RYR2: variants seen among roughly 807,000 people sequenced by gnomAD.
The protein encoded by RYR2 is ryanodine receptor 2, also known as cardiac muscle ryanodine receptor-calcium release channel.
RYR2 carries 227 observed loss-of-function variants against 601.1 expected under a neutral mutation model. The ratio of observed to expected loss-of-function variants is 0.38; its 90% CI spans 0.34 to 0.42. The LOEUF (loss-of-function observed/expected upper bound fraction) is 0.42. Among genes scored for constraint, RYR2 ranks in the 10% least tolerant of loss-of-function variants. The probability of loss-of-function intolerance (pLI) is 1.00; values close to 1 mark genes in which losing one functional copy is unlikely to be tolerated. For missense variants in RYR2, 4,646 were observed against 6,156.5 expected (o/e 0.75, Z 8.21); for synonymous variants, 2,223 against 2,175.1 (o/e 1.02, Z -0.61).
At chr1:237,064,291 T>G (rs1406619819) in intron 1 of RYR2, among the ~76,000 whole-genome samples, 2 of 152,222 alleles carry the variant, frequency 1.3e-5, no homozygotes, top group African/African-American at 4.8e-5. Flanking sequence ...TACTGAATTC[T>G]TAAATTTTGA....
intron 51 of RYR2, 82 bp downstream of exon 51, chr1:237,651,583 A>G (rs373773626): frequency 1.1e-6 from 1 of 890,904 alleles, no homozygotes; most frequent in Non-Finnish European, 1.8e-6. Context: ...CATTTCTTAG[A>G]TACATCATGC....
intron 84 of RYR2, among the ~76,000 whole-genome samples, chr1:237,764,552 G>T (rs983583876): frequency 1.3e-5 from 2 of 151,762 alleles, no homozygotes; most frequent in African/African-American, 4.8e-5. Flanking sequence ...GGGTTCAAGC[G>T]ATTCTCCTGC....
chr1:237,781,621 G>T lies in RYR2; in HGVS notation c.11937G>T (p.Val3979=). 1 of 1,590,012 alleles carries T rather than the reference G, an allele frequency of 6.3e-7. No individual in the cohort carries two copies. Among genetic ancestry groups the T allele is most frequent in the South Asian group, 1.1e-5 (1 of 87,806 alleles). The part of the protein sequence containing the change: ...KELMDLQKDM[V]VMLLSMLEGN... ...TAATGGATCTGCAGAAGGATATGGT[G>T]GTCATGTTGCTGTCCATGTTAGAAG... The change falls in exon 89 of 105, where the codon GTG becomes GTT. Residue 3979 remains valine, a synonymous_variant. Transcript: ENST00000366574.
chr1:237,307,295 A>T (rs892262182), intron 2 of RYR2, among the ~76,000 whole-genome samples: 1 of 152,218 alleles, frequency 6.6e-6, no homozygotes, highest in African/African-American at 2.4e-5. Context: ...GCTGCTGAGT[A>T]GCAGAACCAG....
At chr1:237,107,236 C>T (rs79236044) in intron 1 of RYR2, among the ~76,000 whole-genome samples, 1 of 152,082 alleles carries the variant, frequency 6.6e-6, no homozygotes, top group Non-Finnish European at 1.5e-5. Flanking sequence ...GTACTATGAG[C>T]CCCACTTAGG....
intron 40 of RYR2, 149 bp downstream of exon 40, chr1:237,625,953 C>G: frequency 2.6e-6 from 2 of 770,406 alleles, no homozygotes; most frequent in Non-Finnish European, 2.0e-6. Flanking sequence ...CTGTAGCTCC[C>G]AGAAATAAAC....
chr1:237,673,393 T>G (rs1433409355), intron 58 of RYR2, among the ~76,000 whole-genome samples: 1 of 152,178 alleles, frequency 6.6e-6, no homozygotes, highest in African/African-American at 2.4e-5. Flanking sequence ...TTCTCCCTAT[T>G]AGTTTTTTTA....
chr1:237,643,529 T>G, intron 48 of RYR2, 82 bp downstream of exon 48: 2 of 1,498,148 alleles, frequency 1.3e-6, no homozygotes, highest in Admixed American at 3.4e-5. Flanking sequence ...GTACTCAACA[T>G]CCCAACCTCT....
At chr1:237,613,850 G>C (rs1222691347) in intron 36 of RYR2, among the ~76,000 whole-genome samples, 189 bp from the exon 37 acceptor site, 2 of 152,116 alleles carry the variant, frequency 1.3e-5, no homozygotes, top group Non-Finnish European at 2.9e-5. Flanking sequence ...ACATTTCAAA[G>C]TCTGAATAAA....
chr1:237,134,615 G>T (rs531249728), intron 1 of RYR2, among the ~76,000 whole-genome samples: 2 of 152,282 alleles, frequency 1.3e-5, no homozygotes, highest in East Asian at 3.9e-4. Flanking sequence ...TTCAAGATGA[G>T]ATTTGGGTGG....
intron 1 of RYR2, among the ~76,000 whole-genome samples, chr1:237,101,504 G>T (rs1266646957): frequency 6.6e-6 from 1 of 151,940 alleles, no homozygotes; most frequent in Non-Finnish European, 1.5e-5. Context: ...CAGTTACTAG[G>T]TTCTATAGAT....
chr1:237,813,710 G>A lies in RYR2; in HGVS notation c.14433+4675G>A, dbSNP rs115743899. Among the ~76,000 whole-genome samples, 1,269 of 152,242 alleles carry A rather than the reference G, an allele frequency of 8.3e-3. 11 individuals are homozygous for A. The highest frequency in any genetic ancestry group is 0.029 in the African/African-American group (1,208 of 41,538). ...AAACTTGGTTCCGGTGAGGAAATAC[G>A]GCCTGTTGATGTTCTGAACTATGGA... is the stretch of plus-strand genomic sequence containing the variant. On this transcript the variant is annotated intron_variant, in intron 100 of 104. Transcript: ENST00000366574.
chr1:237,591,175 TCCCC>T, intron 31 of RYR2, among the ~76,000 whole-genome samples, 183 bp downstream of exon 31: 1 of 4,138 alleles, frequency 2.4e-4, no homozygotes, highest in African/African-American at 3.4e-4. Context: ...CTTCTCCTCC[TCCCC>T]CTTCTCCTCC....
intron 101 of RYR2, among the ~76,000 whole-genome samples, chr1:237,824,208 G>A (rs562841152): frequency 5.3e-5 from 8 of 152,116 alleles, no homozygotes; most frequent in East Asian, 3.9e-4. Flanking sequence ...ACCAAAACCC[G>A]GCAGAGACAC....
At chr1:237,342,097 T>A (rs1206725697) in intron 3 of RYR2, among the ~76,000 whole-genome samples, 1 of 152,168 alleles carries the variant, frequency 6.6e-6, no homozygotes, top group Non-Finnish European at 1.5e-5. Flanking sequence ...ATCTTGTATT[T>A]CATCTCTGAT....
intron 2 of RYR2, among the ~76,000 whole-genome samples, chr1:237,298,565 C>T (rs2058935): frequency 0.41 from 62,284 of 151,814 alleles, 13,207 homozygotes; most frequent in African/African-American, 0.51. Context: ...AACCTTGGCT[C>T]TATTAGCTTC....
chr1:237,618,283 C>A (rs979037701), intron 38 of RYR2, among the ~76,000 whole-genome samples: 13 of 152,000 alleles, frequency 8.6e-5, no homozygotes, highest in African/African-American at 3.1e-4. Context: ...GAGAACAGGT[C>A]CAGCCTCTTC....
chr1:237,305,923 G>T (rs1018593160), intron 2 of RYR2, among the ~76,000 whole-genome samples: 5 of 152,074 alleles, frequency 3.3e-5, no homozygotes, highest in Non-Finnish European at 5.9e-5. Flanking sequence ...TACATATTTT[G>T]GAATATATGA....
Position 237,680,593 on chromosome 1 carries a change from A to T in RYR2, c.9017+16A>T, listed in dbSNP as rs772951469. 5.0e-6 allele frequency: 8 copies of T among 1,584,214 alleles called. No homozygotes were observed. The highest frequency in any genetic ancestry group is 6.9e-6 in the Non-Finnish European group (8 of 1,164,452). Reference sequence around the variant, plus strand: ...TGGTGACTAGGTAAACAGCTATAAAAATAAGCACTGTTGTATGACTTAGGT... The same window carrying T: ...TGGTGACTAGGTAAACAGCTATAAATATAAGCACTGTTGTATGACTTAGGT... On this transcript the variant is annotated intron_variant, in intron 62 of 104. Coordinates refer to ENST00000366574, the MANE Select transcript of RYR2 (RefSeq NM_001035.3).
Sources: allele counts gnomAD v4.1 joint callset (sites outside exome capture counted in the v4.1 genomes callset), GRCh38; gene constraint gnomAD v4.1.1; transcripts MANE v1.5; gene names NCBI Gene and HGNC (gene_info 2026-07-23, HGNC 2026-07-21).